The following EMILIN1 variants were observed in gnomAD, a reference collection of about 807,000 sequenced individuals.
The protein encoded by EMILIN1 is EMILIN-1.
EMILIN1 carries 49 observed loss-of-function variants against 82.4 expected under a neutral mutation model. That is an observed-to-expected ratio of 0.59 (90% CI 0.47 to 0.75). EMILIN1 has a LOEUF of 0.75. Ranked by LOEUF, EMILIN1 falls within the 30% of genes least tolerant of loss-of-function variation. EMILIN1 has a pLI of 0.00. For missense variants in EMILIN1, 1,313 were observed against 1,366.4 expected (o/e 0.96, Z 0.62); for synonymous variants, 604 against 602.2 (o/e 1.00, Z -0.04).
chr2:27,084,450 G>C lies in EMILIN1; in HGVS notation c.2476G>C (p.Gly826Arg). ...AGAGGCTGGGCCCCCAGGGCCTCCTGGGCTGCAGGGACCCCCAGGCCCTGC... is the reference window on the plus strand; with the variant it reads ...AGAGGCTGGGCCCCCAGGGCCTCCTCGGCTGCAGGGACCCCCAGGCCCTGC... ...AGEAGPPGPPGLQGPPGPAGP... is the reference protein window; with the variant it reads ...AGEAGPPGPPRLQGPPGPAGP... The change falls in exon 5 of 8, where the codon GGG becomes CGG. Residue 826 changes from glycine (G) to arginine (R), a missense_variant. Physicochemically the swap from Gly to Arg is moderately radical, Grantham distance 125 (BLOSUM62 -2). Coordinates refer to ENST00000380320, the MANE Select transcript of EMILIN1 (RefSeq NM_007046.4). 6.2e-7 allele frequency: 1 copy of C among 1,612,660 alleles called. No individual in the cohort carries two copies. Among genetic ancestry groups the C allele is most frequent in the East Asian group, 2.2e-5 (1 of 44,864 alleles).
Position 27,079,237 on chromosome 2 carries a change from T to TAAGA in EMILIN1, c.170+3_170+6dup, listed in dbSNP as rs1669434893. On this transcript the variant is annotated splice_region_variant and intron_variant, in intron 1 of 7. Transcript: ENST00000380320. ...CCCCCGGCCAGCCAGCCGCCACAGG[T>TAAGA]AAGAGTCTGGATCCCAGCCCGAGGC... 1.3e-6 allele frequency: 2 copies of TAAGA among 1,553,984 alleles called. No individual in the cohort carries two copies. The highest frequency in any genetic ancestry group is 5.1e-5 in the East Asian group (2 of 38,986).
In EMILIN1 at chr2:27,079,069, G is replaced by GC; in HGVS notation, c.10dup (p.Arg4ProfsTer70). On this transcript the variant is annotated frameshift_variant, in exon 1 of 8. Transcript: ENST00000380320. LOFTEE classifies it high-confidence loss of function. ...GGCCACTGTGGAGCGCCCCGCCATG[G>GC]CCCCCCGCACCCTCTGGAGCTGCTA... is the stretch of plus-strand genomic sequence containing the variant. The GC allele has an allele frequency of 3.8e-6, 6 of 1,561,732 alleles. No homozygotes were observed. Among genetic ancestry groups the GC allele is most frequent in the Admixed American group, 4.0e-5 (2 of 49,866 alleles).
Position 27,080,257 on chromosome 2 carries a change from C to G in EMILIN1, c.277C>G (p.Pro93Ala). Reference sequence around the variant, plus strand: ...TTGTGCCTGGGGCCAGCCCCAGTGTCCCCAAAGCATCATGTGAGTCCCAGG... The same window carrying G: ...TTGTGCCTGGGGCCAGCCCCAGTGTGCCCAAAGCATCATGTGAGTCCCAGG... Reference protein sequence around the residue: ...QPCAWGQPQCPQSIMYRRFLR... With the variant: ...QPCAWGQPQCAQSIMYRRFLR... Residue 93 changes from proline (P) to alanine (A), a missense_variant, in exon 2 of 8, where the codon CCC becomes GCC. Transcript: ENST00000380320. The G allele has an allele frequency of 6.2e-7, 1 of 1,614,034 alleles. No individual in the cohort carries two copies. The highest frequency in any genetic ancestry group is 8.5e-7 in the Non-Finnish European group (1 of 1,179,930).
Position 27,080,175 on chromosome 2 carries a change from C to G in EMILIN1, c.195C>G (p.Thr65=), listed in dbSNP as rs1266774557. Residue 65 remains threonine (T), a synonymous_variant, in exon 2 of 8, where the codon ACC becomes ACG. Transcript: ENST00000380320. ...GGAACTGGTGTGCCTACGTGGTGAC[C>G]CGGACAGTGAGCTGTGTCCTTGAGG... The part of the protein sequence containing the change: ...RHRNWCAYVV[T]RTVSCVLEDG... 6.2e-7 allele frequency: 1 copy of G among 1,614,070 alleles called. No homozygotes were observed. Among genetic ancestry groups the G allele is most frequent in the Admixed American group, 1.7e-5 (1 of 60,020 alleles).
rs1669553542 is a variant in EMILIN1 at position 27,084,445 on chromosome 2, C to T, written c.2471C>T (p.Pro824Leu). Residue 824 changes from proline (P) to leucine (L), a missense_variant, in exon 5 of 8, where the codon CCT (proline) becomes CTT (leucine). Transcript: ENST00000380320. The part of the protein sequence containing the change: ...GPAGEAGPPG[P>L]PGLQGPPGPA... Reference sequence around the variant, plus strand: ...GCAGGAGAGGCTGGGCCCCCAGGGCCTCCTGGGCTGCAGGGACCCCCAGGC... The same window carrying T: ...GCAGGAGAGGCTGGGCCCCCAGGGCTTCCTGGGCTGCAGGGACCCCCAGGC... 6.2e-7 allele frequency: 1 copy of T among 1,612,080 alleles called. No individual in the cohort carries two copies. The highest frequency in any genetic ancestry group is 8.5e-7 in the Non-Finnish European group (1 of 1,179,244).
chr2:27,085,280 A>G lies in EMILIN1; in HGVS notation c.2696A>G (p.Tyr899Cys), dbSNP rs1451030462. ...FDRVLLNDGG[Y>C]YDPETGVFTA... is the part of the protein sequence containing the mutation. ...AGAGTCCTGCTCAATGATGGAGGCT[A>G]TTATGATCCAGAGACAGGTAGTCCT... Residue 899 changes from tyrosine to cysteine, a missense_variant, in exon 7 of 8, where the codon TAT becomes TGT. Coordinates refer to ENST00000380320, the MANE Select transcript of EMILIN1 (RefSeq NM_007046.4). The G allele has an allele frequency of 6.2e-7, 1 of 1,614,042 alleles. No individual in the cohort carries two copies. Among genetic ancestry groups the G allele is most frequent in the African/African-American group, 1.3e-5 (1 of 75,068 alleles).
In EMILIN1 at chr2:27,079,162, A is replaced by G; in HGVS notation, c.97A>G (p.Thr33Ala). 6.3e-7 allele frequency: 1 copy of G among 1,594,950 alleles called. No individual in the cohort carries two copies. Among genetic ancestry groups the G allele is most frequent in the Middle Eastern group, 1.7e-4 (1 of 6,002 alleles). ...SYPPRGFSLYTGSSGALSPGG... is the reference protein window; with the variant it reads ...SYPPRGFSLYAGSSGALSPGG... Reference sequence around the variant, plus strand: ...CCCTCCTCGAGGTTTCAGCCTCTACACAGGTTCCAGTGGGGCCCTCAGCCC... The same window carrying G: ...CCCTCCTCGAGGTTTCAGCCTCTACGCAGGTTCCAGTGGGGCCCTCAGCCC... Residue 33 changes from threonine to alanine, a missense_variant, in exon 1 of 8, where the codon ACA becomes GCA. Transcript: ENST00000380320.
rs112123588 is a variant in EMILIN1 at position 27,081,676 on chromosome 2, G to A, written c.512-407G>A. ...GACAGAAGAGTGTCATTATCCTTTC[G>A]CAGAAGAGGAAAGAGTTTCCAAGAA... On this transcript the variant is annotated intron_variant, in intron 3 of 7. Transcript: ENST00000380320. Among the ~76,000 whole-genome samples the A allele has an allele frequency of 9.9e-3, 1,503 of 152,260 alleles. 22 individuals carry two copies. The highest frequency in any genetic ancestry group is 0.035 in the African/African-American group (1,455 of 41,528).
chr2:27,080,407 A>T, intron 2 of EMILIN1, 137 bp downstream of exon 2: 1 of 1,209,406 alleles, frequency 8.3e-7, no homozygotes, highest in Non-Finnish European at 1.2e-6. Context: ...TTTTGAGGAG[A>T]TACTGAGACA....
chr2:27,080,620 C>T (rs1209216806), intron 2 of EMILIN1, 112 bp from the exon 3 acceptor site: 1 of 899,810 alleles, frequency 1.1e-6, no homozygotes, highest in African/African-American at 1.7e-5. Context: ...TAAGAGGGAC[C>T]CAGCCTGAGG....
At chr2:27,080,690 C>A in intron 2 of EMILIN1, 42 bp from the exon 3 acceptor site, 2 of 1,530,038 alleles carry the variant, frequency 1.3e-6, no homozygotes, top group South Asian at 1.2e-5. Context: ...GGTCACTGAC[C>A]GTACAGGGAG....
rs1669515291 is a variant in EMILIN1, at chr2:27,083,165, C to T, written c.1594C>T (p.Leu532=). ...AGCGGGGGAGGCCCGGCAGGCCACG[C>T]TGGAGGGATTACAAGAGGTTGTGGG... ...EAAGEARQAT[L]EGLQEVVGRL... Residue 532 remains leucine (L), a synonymous_variant, in exon 4 of 8, where the codon CTG becomes TTG. Transcript: ENST00000380320. 6.2e-7 allele frequency: 1 copy of T among 1,607,934 alleles called. No individual in the cohort carries two copies. The highest frequency in any genetic ancestry group is 8.5e-7 in the Non-Finnish European group (1 of 1,176,608).
chr2:27,081,984 A>G, intron 3 of EMILIN1, 99 bp from the exon 4 acceptor site: 8 of 1,404,986 alleles, frequency 5.7e-6, no homozygotes, highest in Non-Finnish European at 7.6e-6. Context: ...GGAGAGGCAG[A>G]GCCAGCCTGG....
At position 27,083,471 on chromosome 2, in the gene EMILIN1, G is replaced by A; in HGVS notation, c.1900G>A (p.Gly634Ser). 1 of 1,613,258 alleles carries A rather than the reference G, an allele frequency of 6.2e-7. No individual in the cohort carries two copies. Among genetic ancestry groups the A allele is most frequent in the South Asian group, 1.1e-5 (1 of 91,078 alleles). Reference protein sequence around the residue: ...GPLDGFSVFGGSSGSALQALQ... With the variant: ...GPLDGFSVFGSSSGSALQALQ... ...CCTGGACGGCTTCAGCGTGTTTGGG[G>A]GCAGCTCAGGCTCAGCCCTGCAGGC... Residue 634 changes from glycine (G) to serine (S), a missense_variant, in exon 4 of 8, where the codon GGC becomes AGC. Transcript: ENST00000380320.
Position 27,082,429 on chromosome 2 carries a change from C to T in EMILIN1, c.858C>T (p.Pro286=). The part of the protein sequence containing the change: ...APAPASAPPG[P]SEELLRQLEQ... ...CCCCAGCCTCAGCCCCTCCGGGCCC[C>T]AGTGAGGAGCTGCTGCGGCAGCTGG... The change falls in exon 4 of 8, where the codon CCC becomes CCT. Residue 286 remains proline (P), a synonymous_variant. Transcript: ENST00000380320. The T allele has an allele frequency of 6.3e-7, 1 of 1,599,242 alleles. No homozygotes were observed. Among genetic ancestry groups the T allele is most frequent in the Non-Finnish European group, 8.5e-7 (1 of 1,175,062 alleles).
chr2:27,084,279 C>T lies in EMILIN1; in HGVS notation c.2441-136C>T, dbSNP rs1193838493. On this transcript the variant is annotated intron_variant, in intron 4 of 7. Coordinates refer to ENST00000380320, the MANE Select transcript of EMILIN1 (RefSeq NM_007046.4). ...GGGATCCAGCATATGCAGCAAGGGACCCCATGGCCCCCTCAGCCTGCAAAG... is the reference window on the plus strand; with the variant it reads ...GGGATCCAGCATATGCAGCAAGGGATCCCATGGCCCCCTCAGCCTGCAAAG... The T allele has an allele frequency of 8.4e-6, 6 of 714,280 alleles. No individual in the cohort carries two copies. In the South Asian group the frequency reaches 1.0e-4, roughly 12 times the overall value. 44.2% of individuals were successfully genotyped at this position (714,280 alleles called of 1,614,324 possible).
Position 27,083,723 on chromosome 2 carries a change from G to C in EMILIN1, c.2152G>C (p.Gly718Arg), listed in dbSNP as rs371498868. ...RGLEEGQAQA[G>R]QCPSLEGRLG... ...CCTAGAGGAGGGACAAGCACAGGCC[G>C]GCCAGTGCCCCAGCTTAGAGGGGCG... is the stretch of plus-strand genomic sequence containing the variant. The change falls in exon 4 of 8, where the codon GGC becomes CGC. Residue 718 changes from glycine (G) to arginine (R), a missense_variant. Physicochemically the swap from Gly to Arg is moderately radical, Grantham distance 125. Transcript: ENST00000380320. The C allele has an allele frequency of 1.9e-6, 3 of 1,613,800 alleles. No homozygotes were observed. In the East Asian group the frequency reaches 6.7e-5, roughly 36 times the overall value.
Position 27,086,114 on chromosome 2 carries a change from AGCGCCGCACCCGGGCCC to A in EMILIN1, c.*102_*118del. 1.1e-6 allele frequency: 1 copy of A among 930,836 alleles called. No individual in the cohort carries two copies. Among genetic ancestry groups the A allele is most frequent in the Non-Finnish European group, 1.4e-6 (1 of 695,480 alleles). The allele number at this position is 930,836 out of a possible 1,614,324, so 57.7% of individuals were successfully genotyped here. ...GAGACGGGGCACCTAGCCCTGGGCGAGCGCCGCACCCGGGCCCGCAGCGGCACCGCGCCCAGAGCGGC... is the reference window on the plus strand; with the variant it reads ...GAGACGGGGCACCTAGCCCTGGGCGAGCAGCGGCACCGCGCCCAGAGCGGC... On this transcript the variant is annotated 3_prime_UTR_variant, in exon 8 of 8. Transcript: ENST00000380320.
rs1242331225 is a variant in EMILIN1 at position 27,082,410 on chromosome 2, C to T, written c.839C>T (p.Ala280Val). The T allele has an allele frequency of 5.6e-6, 9 of 1,606,656 alleles. No individual in the cohort carries two copies. The highest frequency in any genetic ancestry group is 5.9e-6 in the Non-Finnish European group (7 of 1,178,228). Residue 280 changes from alanine (A) to valine (V), a missense_variant, in exon 4 of 8, where the codon GCC becomes GTC. By Grantham distance (64) the Ala-to-Val change is moderately conservative. Coordinates refer to ENST00000380320, the MANE Select transcript of EMILIN1 (RefSeq NM_007046.4). Reference protein sequence around the residue: ...SSGGSRAPAPASAPPGPSEEL... With the variant: ...SSGGSRAPAPVSAPPGPSEEL... ...GGGGGCAGCAGGGCCCCAGCCCCAG[C>T]CTCAGCCCCTCCGGGCCCCAGTGAG...
Sources: gnomAD v4.1 joint callset for allele counts (sites outside exome capture counted in the v4.1 genomes callset) on GRCh38, gnomAD v4.1.1 for gene constraint, MANE v1.5 for transcripts, NCBI Gene and HGNC (gene_info 2026-07-23, HGNC 2026-07-21) for gene names.